Variants in TMEM184A observed in about 807,000 individuals in gnomAD.
TMEM184A encodes the protein transmembrane protein 184A.
Under a neutral mutation model 39.5 loss-of-function variants are expected in TMEM184A, and 40 were observed. The observed-to-expected ratio is 1.01, with a 90% CI of 0.79 to 1.32. The LOEUF (loss-of-function observed/expected upper bound fraction) is 1.32. TMEM184A is among the 40% of genes most tolerant of loss of function. The pLI is 0.00. For synonymous variants in TMEM184A, 280 were observed against 252.3 expected, an observed-to-expected ratio of 1.11 and a Z score of -1.04; for missense variants, 603 against 568.8, an observed-to-expected ratio of 1.06 and a Z score of -0.61.
chr7:1,547,173 C>T lies in TMEM184A; in HGVS notation c.1021G>A (p.Ala341Thr), dbSNP rs758995223. Residue 341 changes from alanine to threonine, a missense_variant, in exon 9 of 9, where the codon GCA becomes ACA. Physicochemically the swap from Ala to Thr is moderately conservative, Grantham distance 58. Coordinates refer to ENST00000297477, the MANE Select transcript of TMEM184A (RefSeq NM_001097620.2). ...EKKENSPAPP[A>T]PMQSISSGIR... ...CCGCTGGAGATGCTCTGCATGGGTG[C>T]CGGGGGGGCTGGGGGAGGGCAGTGT... is the stretch of plus-strand genomic sequence containing the variant. The T allele has an allele frequency of 5.6e-6, 9 of 1,597,032 alleles. No homozygotes were observed. The South Asian group carries it at 7.7e-5, about 14-fold the overall frequency.
chr7:1,551,007 G>C (rs1233403148), intron 2 of TMEM184A, 25 bp from the exon 3 acceptor site: 1 of 1,599,686 alleles, frequency 6.3e-7, no homozygotes, highest in Non-Finnish European at 8.5e-7. Context: ...GGTCGCATGA[G>C]AGCCGGGCCC....
intron 2 of TMEM184A, among the ~76,000 whole-genome samples, chr7:1,553,855 A>G (rs943651347): frequency 2.0e-4 from 30 of 151,960 alleles, no homozygotes; most frequent in African/African-American, 7.0e-4. Context: ...TCCTCACTCA[A>G]GGGTGACTCT....
In TMEM184A at chr7:1,555,247, C is replaced by G; in HGVS notation, c.219+19G>C. The G allele has an allele frequency of 1.3e-6, 2 of 1,583,606 alleles. No individual in the cohort carries two copies. Among genetic ancestry groups the G allele is most frequent in the Non-Finnish European group, 8.6e-7 (1 of 1,165,882 alleles). On this transcript the variant is annotated intron_variant, in intron 2 of 8. Transcript: ENST00000297477. This position sits in a 1 kb window ranked among gnomAD's most constrained non-coding sequence, Gnocchi z 5.2. ...GGAGACCAAGGTCCTGAAGGAGGCT[C>G]GGGGGCGGAAGGGCTTACCTGGTGG...
Position 1,546,881 on chromosome 7 carries a change from T to TG in TMEM184A, c.*70dup. Reference sequence around the variant, plus strand: ...CCCACCTTTGGCAGGAGTTGGTGGGTGGGGGGACCCTGTTCTTCCCCAGAG... The same window carrying TG: ...CCCACCTTTGGCAGGAGTTGGTGGGTGGGGGGGACCCTGTTCTTCCCCAGAG... On this transcript the variant is annotated 3_prime_UTR_variant, in exon 9 of 9. Coordinates refer to ENST00000297477, the MANE Select transcript of TMEM184A (RefSeq NM_001097620.2). 3 of 1,097,944 alleles carry TG rather than the reference T, an allele frequency of 2.7e-6. No individual in the cohort carries two copies. Among genetic ancestry groups the TG allele is most frequent in the Non-Finnish European group, 3.8e-6 (3 of 793,678 alleles). The allele number at this position is 1,097,944 out of a possible 1,614,324, so 68.0% of individuals were successfully genotyped here.
intron 4 of TMEM184A, 39 bp downstream of exon 4, chr7:1,550,266 G>C (rs1275661878): frequency 6.2e-7 from 1 of 1,610,118 alleles, no homozygotes. Flanking sequence ...CCCTGTCCCA[G>C]GTGTGTGGGG....
rs10273193 is a variant in TMEM184A, at chr7:1,544,254, G to C, written c.*2698C>G. 6.6e-6 allele frequency: 1 copy of C among 152,186 alleles called. No homozygotes were observed. Among genetic ancestry groups the C allele is most frequent in the East Asian group, 1.9e-4 (1 of 5,190 alleles). 9.4% of individuals were successfully genotyped at this position (152,186 alleles called of 1,614,324 possible). Reference sequence around the variant, plus strand: ...GGGCTCCTGGAGGCTGCGGACAGACGGGGAAGCTGTGAAAGGAGACACCGC... The same window carrying C: ...GGGCTCCTGGAGGCTGCGGACAGACCGGGAAGCTGTGAAAGGAGACACCGC... On this transcript the variant is annotated 3_prime_UTR_variant, in exon 9 of 9. Transcript: ENST00000297477.
In TMEM184A at chr7:1,547,987, G is replaced by C. The variant is rs1222819659; in HGVS notation, c.815-48C>G. 1.2e-5 allele frequency: 19 copies of C among 1,533,972 alleles called. No individual in the cohort carries two copies. In the South Asian group the frequency reaches 2.1e-4, roughly 17 times the overall value. ...GCCCCAGCCCCAGACGGGGTCTGCA[G>C]GGGAGGAAGAGGCCCCAGACCCCGC... On this transcript the variant is annotated intron_variant, in intron 7 of 8. Transcript: ENST00000297477.
At position 1,547,091 on chromosome 7, in the gene TMEM184A, G is replaced by C; in HGVS notation, c.1103C>G (p.Ser368Cys). 3 of 1,610,518 alleles carry C rather than the reference G, an allele frequency of 1.9e-6. No homozygotes were observed. The highest frequency in any genetic ancestry group is 1.3e-5 in the African/African-American group (1 of 75,014). Residue 368 changes from serine to cysteine, a missense_variant, in exon 9 of 9, where the codon TCC becomes TGC. Physicochemically the swap from Ser to Cys is moderately radical, Grantham distance 112. Transcript: ENST00000297477. ...DIVQDAIHNF[S>C]PAYQHYTQQA... The stretch of plus-strand genomic sequence containing the variant: ...CTGCGTGTAGTGCTGGTAGGCGGGG[G>C]AGAAGTTGTGGATGGCGTCCTGCAC...
In TMEM184A at chr7:1,545,744, CCT is replaced by C. The variant is rs1478423571; in HGVS notation, c.*1206_*1207del. The C allele has an allele frequency of 6.6e-6, 1 of 152,574 alleles. No individual in the cohort carries two copies. The highest frequency in any genetic ancestry group is 2.4e-5 in the African/African-American group (1 of 41,462). 9.5% of individuals were successfully genotyped at this position (152,574 alleles called of 1,614,324 possible). On this transcript the variant is annotated 3_prime_UTR_variant, in exon 9 of 9. Transcript: ENST00000297477. The stretch of plus-strand genomic sequence containing the variant: ...CAGCCGTGTGTCCTCCCAGAAGCCC[CCT>C]TAGTCCCTGGGCGGCTACTGTTCTT...
Position 1,550,895 on chromosome 7 carries a change from C to A in TMEM184A, c.307G>T (p.Asp103Tyr). The change falls in exon 3 of 9, where the codon GAC (aspartate) becomes TAC (tyrosine). Residue 103 changes from aspartate (D) to tyrosine (Y), a missense_variant. Asp to Tyr is a radical substitution (Grantham distance 160, BLOSUM62 -3). Coordinates refer to ENST00000297477, the MANE Select transcript of TMEM184A (RefSeq NM_001097620.2). Reference sequence around the variant, plus strand: ...AGGAGGAGGAGGCTGAGCCAGGAGTCGAAGGCGTAGATGGGCACGATGAGG... The same window carrying A: ...AGGAGGAGGAGGCTGAGCCAGGAGTAGAAGGCGTAGATGGGCACGATGAGG... ...LLLIVPIYAF[D>Y]SWLSLLLLGD... is the part of the protein sequence containing the mutation. 1.2e-6 allele frequency: 2 copies of A among 1,613,782 alleles called. No individual in the cohort carries two copies. The highest frequency in any genetic ancestry group is 1.7e-6 in the Non-Finnish European group (2 of 1,179,970).
Position 1,555,233 on chromosome 7 carries a change from T to A in TMEM184A, c.219+33A>T. On this transcript the variant is annotated intron_variant, in intron 2 of 8. Transcript: ENST00000297477. The surrounding 1 kb of genome is among the most constrained non-coding windows in gnomAD (Gnocchi z 5.2). ...CGGCCACGTCCTGTGGAGACCAAGG[T>A]CCTGAAGGAGGCTCGGGGGCGGAAG... is the stretch of plus-strand genomic sequence containing the variant. The A allele has an allele frequency of 3.9e-6, 6 of 1,555,630 alleles. No homozygotes were observed. Among genetic ancestry groups the A allele is most frequent in the Non-Finnish European group, 5.2e-6 (6 of 1,148,380 alleles).
chr7:1,554,326 C>T (rs930589152), intron 2 of TMEM184A, among the ~76,000 whole-genome samples: 3 of 151,994 alleles, frequency 2.0e-5, no homozygotes, highest in African/African-American at 4.8e-5. Flanking sequence ...CCCCCTGCCC[C>T]AGCTCACCTA....
In TMEM184A at chr7:1,544,825, T is replaced by A. The variant is rs1784292544; in HGVS notation, c.*2127A>T. 1 of 152,262 alleles carries A rather than the reference T, an allele frequency of 6.6e-6. No individual in the cohort carries two copies. Among genetic ancestry groups the A allele is most frequent in the South Asian group, 2.1e-4 (1 of 4,832 alleles). The allele number at this position is 152,262 out of a possible 1,614,324, so 9.4% of individuals were successfully genotyped here. A position where few individuals can be genotyped will look rare whatever the true frequency, so the allele number is the denominator to read the frequency against. On this transcript the variant is annotated 3_prime_UTR_variant, in exon 9 of 9. Coordinates refer to ENST00000297477, the MANE Select transcript of TMEM184A (RefSeq NM_001097620.2). ...GCTCCGTCTCTCTGGGCTCGGTCGC[T>A]GTCCCAGCTGGCTTGAGCGTTGAGC...
Position 1,544,036 on chromosome 7 carries a change from C to T in TMEM184A, c.*2916G>A, listed in dbSNP as rs1784266743. On this transcript the variant is annotated 3_prime_UTR_variant, in exon 9 of 9. Transcript: ENST00000297477. Reference sequence around the variant, plus strand: ...GGAGGTGAGTGTGCAACAGCTGGCACATAGCGCAGTGAGTGTTGAATCTGT... The same window carrying T: ...GGAGGTGAGTGTGCAACAGCTGGCATATAGCGCAGTGAGTGTTGAATCTGT... The T allele has an allele frequency of 6.6e-6, 1 of 152,432 alleles. No homozygotes were observed. 9.4% of individuals were successfully genotyped at this position (152,432 alleles called of 1,614,324 possible). A position where few individuals can be genotyped will look rare whatever the true frequency, so the allele number is the denominator to read the frequency against.
At chr7:1,550,792 C>T (rs949189208) in intron 3 of TMEM184A, 25 bp downstream of exon 3, 15 of 1,610,170 alleles carry the variant, frequency 9.3e-6, no homozygotes, top group South Asian at 2.2e-5. Flanking sequence ...TCCGCTCCCC[C>T]GACCTGACGC....
rs1177483906 is a variant in TMEM184A, at chr7:1,542,670, G to T, written c.*4282C>A. The T allele has an allele frequency of 6.6e-6, 1 of 152,392 alleles. No individual in the cohort carries two copies. The highest frequency in any genetic ancestry group is 1.5e-5 in the Non-Finnish European group (1 of 68,042). The allele number at this position is 152,392 out of a possible 1,614,324, so 9.4% of individuals were successfully genotyped here. ...ATTTCATTGTCATGATTTAATATAT[G>T]GATTTTTTTATTTAAGAAAAAGACG... On this transcript the variant is annotated 3_prime_UTR_variant, in exon 9 of 9. Coordinates refer to ENST00000297477, the MANE Select transcript of TMEM184A (RefSeq NM_001097620.2).
chr7:1,544,037 A>G lies in TMEM184A; in HGVS notation c.*2915T>C, dbSNP rs4268033. The G allele has an allele frequency of 0.59, 90,292 of 152,168 alleles. 26,995 individuals carry two copies. Among genetic ancestry groups the G allele is most frequent in the East Asian group, 0.68 (3,509 of 5,164 alleles). The allele number at this position is 152,168 out of a possible 1,614,324, so 9.4% of individuals were successfully genotyped here. On this transcript the variant is annotated 3_prime_UTR_variant, in exon 9 of 9. Coordinates refer to ENST00000297477, the MANE Select transcript of TMEM184A (RefSeq NM_001097620.2). ...GAGGTGAGTGTGCAACAGCTGGCACATAGCGCAGTGAGTGTTGAATCTGTG... is the reference window on the plus strand; with the variant it reads ...GAGGTGAGTGTGCAACAGCTGGCACGTAGCGCAGTGAGTGTTGAATCTGTG...
In TMEM184A at chr7:1,555,449, G is replaced by T; in HGVS notation, c.36C>A (p.Gly12=). 6.2e-7 allele frequency: 1 copy of T among 1,609,642 alleles called. No homozygotes were observed. The highest frequency in any genetic ancestry group is 1.3e-5 in the African/African-American group (1 of 75,010). ...SNVSGILETA[G]VPLVSANWPQ... ...GCCAGTTCGCTGACACCAGGGGGACGCCGGCTGTCTCCAGGATCCCTGAGA... is the reference window on the plus strand; with the variant it reads ...GCCAGTTCGCTGACACCAGGGGGACTCCGGCTGTCTCCAGGATCCCTGAGA... The change falls in exon 2 of 9, where the codon GGC becomes GGA. Residue 12 remains glycine (G), a synonymous_variant. Coordinates refer to ENST00000297477, the MANE Select transcript of TMEM184A (RefSeq NM_001097620.2). The surrounding 1 kb of genome is among the most constrained non-coding windows in gnomAD (Gnocchi z 5.2).
Position 1,547,007 on chromosome 7 carries a change from C to A in TMEM184A, c.1187G>T (p.Ser396Ile). Reference protein sequence around the residue: ...GTHPSGGSGGSRKSRSLEKRM... With the variant: ...GTHPSGGSGGIRKSRSLEKRM... ...CTTCTCCAGGCTCCGGCTCTTCCTG[C>A]TCCCGCCGGAGCCGCCGCTGGGGTG... Residue 396 changes from serine to isoleucine, a missense_variant, in exon 9 of 9, where the codon AGC becomes ATC. Coordinates refer to ENST00000297477, the MANE Select transcript of TMEM184A (RefSeq NM_001097620.2). 1 of 1,566,756 alleles carries A rather than the reference C, an allele frequency of 6.4e-7. No individual in the cohort carries two copies.
Sources: allele counts gnomAD v4.1 joint callset (sites outside exome capture counted in the v4.1 genomes callset), GRCh38; gene constraint gnomAD v4.1.1; non-coding constraint Gnocchi (gnomAD v3.1); transcripts MANE v1.5; gene names NCBI Gene and HGNC (gene_info 2026-07-23, HGNC 2026-07-21).